The following ST13 variants were observed in gnomAD, a reference collection of about 807,000 sequenced individuals.
The protein encoded by ST13 is hsc70-interacting protein.
A neutral mutation model predicts 56.7 loss-of-function variants in ST13; 23 were observed. That is an observed-to-expected ratio of 0.41 (90% CI 0.29 to 0.57). The LOEUF is 0.57. ST13 is among the 20% of genes least tolerant of loss of function. The pLI is 0.36. For synonymous variants in ST13, 132 were observed against 142.4 expected (o/e 0.93, Z 0.52); for missense variants, 369 against 459.9 (o/e 0.80, Z 1.81).
At chr22:40,834,520 C>T (rs192489648) in intron 7 of ST13, among the ~76,000 whole-genome samples, 25 of 152,140 alleles carry the variant, frequency 1.6e-4, no homozygotes, top group Non-Finnish European at 2.8e-4. Context: ...TCAGTATAAA[C>T]TCACAATTTC....
At chr22:40,829,588 A>C (rs544375935) in intron 10 of ST13, 38 bp downstream of exon 10, 1 of 1,121,208 alleles carries the variant, frequency 8.9e-7, no homozygotes, top group African/African-American at 1.6e-5. Context: ...ATCACTGTAT[A>C]ATAGAACAAA....
intron 5 of ST13, among the ~76,000 whole-genome samples, chr22:40,836,188 C>T (rs1330315404): frequency 6.6e-6 from 1 of 152,214 alleles, no homozygotes; most frequent in Non-Finnish European, 1.5e-5. Context: ...CGGTGGCTCA[C>T]GCCTGTAATC....
In ST13 at chr22:40,825,193, T is replaced by G. The variant is rs1321374481; in HGVS notation, c.*1345A>C. On this transcript the variant is annotated 3_prime_UTR_variant, in exon 12 of 12. Coordinates refer to ENST00000216218, the MANE Select transcript of ST13 (RefSeq NM_003932.5). ...GGGAGGGAAAGAAAGCAAGCAGAGG[T>G]GGGGATATAGTTACACTATTTAAGA... The G allele has an allele frequency of 2.0e-5, 3 of 151,892 alleles. No homozygotes were observed. Among genetic ancestry groups the G allele is most frequent in the Non-Finnish European group, 4.4e-5 (3 of 67,976 alleles). The allele number at this position is 151,892 out of a possible 1,614,324, so 9.4% of individuals were successfully genotyped here. A position where few individuals can be genotyped will look rare whatever the true frequency, so the allele number is the denominator to read the frequency against.
intron 2 of ST13, 44 bp downstream of exon 2, chr22:40,850,779 T>C: frequency 1.4e-6 from 2 of 1,451,170 alleles, no homozygotes; most frequent in Non-Finnish European, 1.9e-6. Context: ...TAAGAAATCT[T>C]ATAGTACTTT....
chr22:40,839,933 G>A (rs887176851), intron 5 of ST13, among the ~76,000 whole-genome samples: 4 of 151,828 alleles, frequency 2.6e-5, no homozygotes, highest in South Asian at 2.1e-4. Context: ...GGCAGATCAC[G>A]AGGTCAGGAG....
chr22:40,829,813 C>G (rs1363372409), intron 9 of ST13, 139 bp from the exon 10 acceptor site: 1 of 411,340 alleles, frequency 2.4e-6, no homozygotes, highest in Middle Eastern at 6.3e-4. Flanking sequence ...ATACTTCATA[C>G]CCCCTTCAAA....
chr22:40,838,565 G>T (rs529016100), intron 5 of ST13, among the ~76,000 whole-genome samples: 1 of 150,730 alleles, frequency 6.6e-6, no homozygotes, highest in Non-Finnish European at 1.5e-5. Context: ...AGTTCAAGAC[G>T]AGCCTGGGCA....
intron 4 of ST13, among the ~76,000 whole-genome samples, chr22:40,843,554 G>A (rs1415894425): frequency 6.6e-6 from 1 of 152,080 alleles, no homozygotes; most frequent in East Asian, 1.9e-4. Flanking sequence ...AAAGGTGAAA[G>A]GTGAGTGTAT....
chr22:40,828,870 G>A (rs889622126), intron 10 of ST13, among the ~76,000 whole-genome samples: 4 of 152,056 alleles, frequency 2.6e-5, no homozygotes, highest in South Asian at 2.1e-4. Context: ...TACCCGTAAC[G>A]AAATTACTGA....
chr22:40,834,378 C>T (rs2057767937), intron 7 of ST13, among the ~76,000 whole-genome samples: 1 of 152,098 alleles, frequency 6.6e-6, no homozygotes, highest in Admixed American at 6.5e-5. Context: ...AATTCTGAAA[C>T]AGTTTTATGT....
At chr22:40,848,438 C>T in intron 2 of ST13, 69 bp from the exon 3 acceptor site, 1 of 1,097,570 alleles carries the variant, frequency 9.1e-7, no homozygotes, top group South Asian at 1.3e-5. Flanking sequence ...CTAATTTCTA[C>T]AAATCTATGT....
In ST13 at chr22:40,840,599, T is replaced by A. The variant is rs375170273; in HGVS notation, c.382+27A>T. ...ACTGCAATAAATATTCTGACTACCA[T>A]AGAAATGTAGCAAAAAGATTACTCA... is the stretch of plus-strand genomic sequence containing the variant. On this transcript the variant is annotated intron_variant, in intron 5 of 11. Transcript: ENST00000216218. The A allele has an allele frequency of 5.6e-6, 9 of 1,598,396 alleles. No individual in the cohort carries two copies. In the South Asian group the frequency reaches 1.0e-4, roughly 18 times the overall value.
chr22:40,835,734 A>G, intron 6 of ST13, 64 bp from the exon 7 acceptor site: 5 of 1,596,542 alleles, frequency 3.1e-6, no homozygotes, highest in Non-Finnish European at 4.3e-6. Context: ...TCAACACAGA[A>G]GCAACTCTAT....
At chr22:40,848,595 T>G (rs1341862158) in intron 2 of ST13, among the ~76,000 whole-genome samples, 1 of 151,900 alleles carries the variant, frequency 6.6e-6, no homozygotes, top group African/African-American at 2.4e-5. Context: ...AAATACAAAT[T>G]AGCCGGACGT....
chr22:40,850,772 G>C (rs889816460), intron 2 of ST13, 51 bp downstream of exon 2: 3 of 1,414,284 alleles, frequency 2.1e-6, no homozygotes, highest in African/African-American at 2.9e-5. Context: ...CAACCCCTAA[G>C]AAATCTTATA....
chr22:40,832,756 A>T (rs1374544677), intron 7 of ST13, 85 bp from the exon 8 acceptor site: 5 of 1,067,080 alleles, frequency 4.7e-6, no homozygotes, highest in Admixed American at 1.9e-5. Context: ...ACAAAAAAGG[A>T]TTGTTCTAAA....
At chr22:40,827,277 A>C in intron 10 of ST13, 48 bp from the exon 11 acceptor site, 1 of 1,598,174 alleles carries the variant, frequency 6.3e-7, no homozygotes, top group Non-Finnish European at 8.6e-7. Flanking sequence ...AAATATTCTG[A>C]CACAGTATTT....
At chr22:40,854,377 T>A (rs187646636) in intron 1 of ST13, among the ~76,000 whole-genome samples, 1 of 152,222 alleles carries the variant, frequency 6.6e-6, no homozygotes, top group East Asian at 1.9e-4. Flanking sequence ...TCCCTACATA[T>A]GCCATGATGC....
At position 40,832,588 on chromosome 22, in the gene ST13, A is replaced by G; in HGVS notation, c.662T>C (p.Leu221Pro). 6.2e-7 allele frequency: 1 copy of G among 1,608,686 alleles called. No homozygotes were observed. ...LDYDEDASAM[L>P]KEVQPRAQKI... ...ACATACCCTAGGTTGAACTTCTTTCAGCATTGCACTAGCATCTTCATCATA... is the reference window on the plus strand; with the variant it reads ...ACATACCCTAGGTTGAACTTCTTTCGGCATTGCACTAGCATCTTCATCATA... The change falls in exon 8 of 12, where the codon CTG becomes CCG. Residue 221 changes from leucine (L) to proline (P), a missense_variant. Around this residue, in one of 3 missense-constraint regions of ST13, gnomAD observed 64 missense variants for 125.1 expected, o/e 0.51. Transcript: ENST00000216218.
Sources: allele counts gnomAD v4.1 joint callset (sites outside exome capture counted in the v4.1 genomes callset), GRCh38; gene constraint gnomAD v4.1.1; regional missense constraint gnomAD v4.1.1; transcripts MANE v1.5; gene names NCBI Gene and HGNC (gene_info 2026-07-23, HGNC 2026-07-21).